CACTIN: variants seen among roughly 807,000 people sequenced by gnomAD.
The protein encoded by CACTIN is splicing factor Cactin.
Under a neutral mutation model 84.9 loss-of-function variants are expected in CACTIN, and 20 were observed. The ratio of observed to expected loss-of-function variants is 0.24; its 90% CI spans 0.17 to 0.34. The LOEUF (loss-of-function observed/expected upper bound fraction) is 0.34, where lower values mean the gene tolerates loss of function less well. Ranked by LOEUF, CACTIN falls within the 10% of genes least tolerant of loss-of-function variation. The pLI is 1.00. For missense variants in CACTIN, 897 were observed against 1,117.2 expected, an observed-to-expected ratio of 0.80 and a Z score of 2.81; for synonymous variants, 549 against 467.9, an observed-to-expected ratio of 1.17 and a Z score of -2.24.
Position 3,614,460 on chromosome 19 carries a change from T to C in CACTIN, c.1292A>G (p.Asn431Ser). The change falls in exon 7 of 10, where the codon AAC becomes AGC. Residue 431 changes from asparagine to serine, a missense_variant. Physicochemically the swap from Asn to Ser is conservative, Grantham distance 46. Coordinates refer to ENST00000429344, the MANE Select transcript of CACTIN (RefSeq NM_001080543.2). ...GCTCTCCCAGTAGCCCATGTCCAGG[T>C]TGGGGCCACCAGCGCGGATTTTGCC... The part of the protein sequence containing the change: ...IEGKIRAGGP[N>S]LDMGYWESLL... The C allele has an allele frequency of 6.3e-7, 1 of 1,598,186 alleles. No individual in the cohort carries two copies. Among genetic ancestry groups the C allele is most frequent in the South Asian group, 1.1e-5 (1 of 88,460 alleles).
Position 3,611,789 on chromosome 19 carries a change from G to C in CACTIN, c.*134C>G, listed in dbSNP as rs1164857334. 6.9e-6 allele frequency: 8 copies of C among 1,164,314 alleles called. No individual in the cohort carries two copies. The highest frequency in any genetic ancestry group is 9.9e-6 in the Non-Finnish European group (8 of 807,654). 72.1% of individuals were successfully genotyped at this position (1,164,314 alleles called of 1,614,324 possible). A position where few individuals can be genotyped will look rare whatever the true frequency, so the allele number is the denominator to read the frequency against. Reference sequence around the variant, plus strand: ...AGGAGGAAACTGAGGCCTGGCGAAAGAAAGATGCGGCCTGAGGTGGGACGT... The same window carrying C: ...AGGAGGAAACTGAGGCCTGGCGAAACAAAGATGCGGCCTGAGGTGGGACGT... On this transcript the variant is annotated 3_prime_UTR_variant, in exon 10 of 10. Coordinates refer to ENST00000429344, the MANE Select transcript of CACTIN (RefSeq NM_001080543.2).
chr19:3,611,869 C>T lies in CACTIN; in HGVS notation c.*54G>A, dbSNP rs770352474. The T allele has an allele frequency of 8.2e-6, 13 of 1,591,476 alleles. No homozygotes were observed. The highest frequency in any genetic ancestry group is 3.3e-4 in the Middle Eastern group (2 of 6,046). On this transcript the variant is annotated 3_prime_UTR_variant, in exon 10 of 10. Transcript: ENST00000429344. ...GCCCCGGAGTGACCACCAGCTTCAC[C>T]GAAGCCCCTTTACTGTGCCCCCGAG...
chr19:3,617,917 T>C (rs1350714401), intron 6 of CACTIN, among the ~76,000 whole-genome samples: 2 of 152,104 alleles, frequency 1.3e-5, no homozygotes, highest in East Asian at 1.9e-4. Flanking sequence ...AAAGCTCCAC[T>C]GAAAAAGAGG....
chr19:3,618,960 G>A lies in CACTIN; in HGVS notation c.1077C>T (p.Asn359=), dbSNP rs199862502. Residue 359 remains asparagine (N), a synonymous_variant, in exon 6 of 10, where the codon AAC becomes AAT. Transcript: ENST00000429344. ...TGGTCATGTCCCGCCAGAAGTCGGC[G>A]TTCTTGCCCTGCTCCAGCTCCATGT... ...QVYMELEQGK[N]ADFWRDMTTI... is the part of the protein sequence containing the mutation. 50 of 1,557,716 alleles carry A rather than the reference G, an allele frequency of 3.2e-5. No homozygotes were observed. Among genetic ancestry groups the A allele is most frequent in the Middle Eastern group, 1.7e-4 (1 of 5,996 alleles).
chr19:3,622,068 T>C (rs1190542023), intron 2 of CACTIN, among the ~76,000 whole-genome samples: 2 of 152,080 alleles, frequency 1.3e-5, no homozygotes, highest in East Asian at 1.9e-4. Flanking sequence ...CATGACCCCA[T>C]GTGAAATGAG....
chr19:3,612,901 G>A (rs1393125329), intron 9 of CACTIN, 157 bp downstream of exon 9: 16 of 894,182 alleles, frequency 1.8e-5, no homozygotes, highest in African/African-American at 4.9e-5. Flanking sequence ...CCCAGTGCGC[G>A]TGCAGGTGAC....
chr19:3,618,177 C>CGGG (rs34337349), intron 6 of CACTIN, among the ~76,000 whole-genome samples: 2 of 108,040 alleles, frequency 1.9e-5, no homozygotes, highest in African/African-American at 8.5e-5. Flanking sequence ...GCTTTTAGAC[C>CGGG]GGGGGGGGGG....
Position 3,613,360 on chromosome 19 carries a change from T to C in CACTIN, c.1484A>G (p.Glu495Gly), listed in dbSNP as rs1176552462. 1.3e-5 allele frequency: 19 copies of C among 1,517,238 alleles called. No individual in the cohort carries two copies. The highest frequency in any genetic ancestry group is 1.6e-5 in the Non-Finnish European group (18 of 1,137,492). 94.0% of individuals were successfully genotyped at this position (1,517,238 alleles called of 1,614,324 possible). ...CGGGGTGGGCGCCGCGTCCTCAGGC[T>C]CCAGGCTGGGAGGAGAGAGCGTTGG... is the stretch of plus-strand genomic sequence containing the variant. ...QEPQSPSRSLEPEDAAPTPPG... is the reference protein window; with the variant it reads ...QEPQSPSRSLGPEDAAPTPPG... The change falls in exon 9 of 10, where the codon GAG (glutamate) becomes GGG (glycine). Residue 495 changes from glutamate (E) to glycine (G), a missense_variant. Physicochemically the swap from Glu to Gly is moderately conservative, Grantham distance 98. Around this residue, in one of 8 missense-constraint regions of CACTIN, gnomAD observed 243 missense variants for 239.9 expected, o/e 1.01. Transcript: ENST00000429344.
Position 3,626,709 on chromosome 19 carries a change from C to T in CACTIN, c.54G>A (p.Arg18=), listed in dbSNP as rs1238970720. ...RSRSAGRRGR[R]RQSQSGSRSR... is the part of the protein sequence containing the mutation. ...TTCGGCTCCCGCTCTGACTCTGCCG[C>T]CTTCGGCCCCGGCGACCCGCGGACC... is the stretch of plus-strand genomic sequence containing the variant. The change falls in exon 1 of 10, where the codon AGG becomes AGA. Residue 18 remains arginine (R), a synonymous_variant. Transcript: ENST00000429344. 8.0e-6 allele frequency: 12 copies of T among 1,502,152 alleles called. No individual in the cohort carries two copies. The highest frequency in any genetic ancestry group is 9.7e-6 in the Non-Finnish European group (11 of 1,132,628). The allele number at this position is 1,502,152 out of a possible 1,614,324, so 93.1% of individuals were successfully genotyped here.
At position 3,620,772 on chromosome 19, in the gene CACTIN, C is replaced by T. The variant is rs1333589582; in HGVS notation, c.673G>A (p.Glu225Lys). The change falls in exon 3 of 10, where the codon GAG (glutamate) becomes AAG (lysine). Residue 225 changes from glutamate to lysine, a missense_variant. Coordinates refer to ENST00000429344, the MANE Select transcript of CACTIN (RefSeq NM_001080543.2). The part of the protein sequence containing the change: ...ALEKKGISHL[E>K]EKELKERNKR... Reference sequence around the variant, plus strand: ...TTCCGCTCCTTCAGCTCCTTCTCCTCCAGGTGGCTGATCCCCTTCTTCTCC... The same window carrying T: ...TTCCGCTCCTTCAGCTCCTTCTCCTTCAGGTGGCTGATCCCCTTCTTCTCC... 6.2e-7 allele frequency: 1 copy of T among 1,613,438 alleles called. No individual in the cohort carries two copies. The highest frequency in any genetic ancestry group is 1.3e-5 in the African/African-American group (1 of 74,920).
intron 6 of CACTIN, chr19:3,614,987 TG>T (rs960516386): frequency 1.4e-4 from 43 of 298,504 alleles, no homozygotes; most frequent in East Asian, 7.4e-4. Context: ...ATGAGGGGGT[TG>T]GGGGGTGTGC....
rs951538412 is a variant in CACTIN at position 3,610,960 on chromosome 19, G to A, written c.*963C>T. The A allele has an allele frequency of 2.6e-5, 12 of 456,710 alleles. No individual in the cohort carries two copies. The highest frequency in any genetic ancestry group is 1.1e-4 in the South Asian group (7 of 64,572). The allele number at this position is 456,710 out of a possible 1,614,324, so 28.3% of individuals were successfully genotyped here. On this transcript the variant is annotated 3_prime_UTR_variant, in exon 10 of 10. Transcript: ENST00000429344. ...GGGCTGTGGCACCCGTGTGGCCCTC[G>A]GCCCTCCTGGCCTGAGAAAGGGGAG...
At chr19:3,620,684 C>T in intron 3 of CACTIN, 23 bp downstream of exon 3, 1 of 1,583,056 alleles carries the variant, frequency 6.3e-7, no homozygotes, top group Non-Finnish European at 8.6e-7. Flanking sequence ...GGGCCCTGCC[C>T]AGTGGGCTGG....
In CACTIN at chr19:3,613,122, G is replaced by A. The variant is rs2033008410; in HGVS notation, c.1722C>T (p.His574=). ...GCAGGTCCTCATCCGGTTCCAGCAC[G>A]TGCGCGTCCAGTGGCAGCTCGTGCG... ...LTAHELPLDA[H]VLEPDEDLQR... The change falls in exon 9 of 10, where the codon CAC becomes CAT. Residue 574 remains histidine, a synonymous_variant. Coordinates refer to ENST00000429344, the MANE Select transcript of CACTIN (RefSeq NM_001080543.2). The A allele has an allele frequency of 6.2e-7, 1 of 1,605,080 alleles. No homozygotes were observed. The highest frequency in any genetic ancestry group is 8.5e-7 in the Non-Finnish European group (1 of 1,178,070).
Position 3,611,327 on chromosome 19 carries a change from C to T in CACTIN, c.*596G>A, listed in dbSNP as rs201538730. ...CCACAGAGGGTCTCTTCTGCAGTGG[C>T]GGATCGGGCGCCAGCAGGGTCCCGG... On this transcript the variant is annotated 3_prime_UTR_variant, in exon 10 of 10. Transcript: ENST00000429344. 1.8e-5 allele frequency: 8 copies of T among 454,218 alleles called. No individual in the cohort carries two copies. Among genetic ancestry groups the T allele is most frequent in the Non-Finnish European group, 3.1e-5 (7 of 226,462 alleles). The allele number at this position is 454,218 out of a possible 1,614,324, so 28.1% of individuals were successfully genotyped here. A position where few individuals can be genotyped will look rare whatever the true frequency, so the allele number is the denominator to read the frequency against.
chr19:3,612,648 C>CGCA (rs2032990909), intron 9 of CACTIN: 1 of 721,952 alleles, frequency 1.4e-6, no homozygotes, highest in Non-Finnish European at 2.4e-6. Flanking sequence ...GGGGACCAAG[C>CGCA]GCAGCGCGCT....
At chr19:3,625,933 A>G (rs2033323336) in intron 1 of CACTIN, among the ~76,000 whole-genome samples, 1 of 152,158 alleles carries the variant, frequency 6.6e-6, no homozygotes, top group African/African-American at 2.4e-5. Flanking sequence ...GAAGAAAAGG[A>G]CCATGGGGAA....
At chr19:3,614,652 C>G in intron 6 of CACTIN, 63 bp from the exon 7 acceptor site, 6 of 1,379,604 alleles carry the variant, frequency 4.3e-6, no homozygotes, top group Non-Finnish European at 6.0e-6. Flanking sequence ...TCCACCCCAT[C>G]AGGGCCTCCT....
rs1165144582 is a variant in CACTIN at position 3,613,263 on chromosome 19, G to A, written c.1581C>T (p.Gly527=). Residue 527 remains glycine, a synonymous_variant, in exon 9 of 10, where the codon GGC becomes GGT. Coordinates refer to ENST00000429344, the MANE Select transcript of CACTIN (RefSeq NM_001080543.2). ...CGCCCTCGCCCTCACCGTCCCCGTC[G>A]CCGTCGCCCTCTGTCGGGGTCGCGC... The part of the protein sequence containing the change: ...VDGATPTEGD[G]DGDGEGEGEG... The A allele has an allele frequency of 1.2e-6, 2 of 1,608,420 alleles. No individual in the cohort carries two copies. The highest frequency in any genetic ancestry group is 3.3e-5 in the Admixed American group (2 of 59,884).
Sources: allele counts gnomAD v4.1 joint callset (sites outside exome capture counted in the v4.1 genomes callset), GRCh38; gene constraint gnomAD v4.1.1; regional missense constraint gnomAD v4.1.1; transcripts MANE v1.5; gene names NCBI Gene and HGNC (gene_info 2026-07-23, HGNC 2026-07-21).